Variants in KCNC2 observed in about 807,000 individuals in gnomAD.
KCNC2 encodes potassium voltage-gated channel subfamily C member 2, also known as voltage-gated potassium channel KCNC2.
A neutral mutation model predicts 44.5 loss-of-function variants in KCNC2; 21 were observed. The ratio of observed to expected loss-of-function variants is 0.47; its 90% confidence interval spans 0.33 to 0.68. The LOEUF is 0.68. KCNC2 is among the 30% of genes least tolerant of loss of function. The pLI is 0.01. For missense variants in KCNC2, 589 were observed against 826.2 expected, an observed-to-expected ratio of 0.71 and a Z score of 3.52; for synonymous variants, 391 against 339.1, an observed-to-expected ratio of 1.15 and a Z score of -1.68.
At chr12:75,184,645 A>C (rs368996557) in intron 2 of KCNC2, among the ~76,000 whole-genome samples, 3 of 151,930 alleles carry the variant, frequency 2.0e-5, no homozygotes, top group African/African-American at 7.2e-5. Flanking sequence ...GTTGCTTGAT[A>C]AAAAAAATGC....
Position 75,167,057 on chromosome 12 carries a change from G to A in KCNC2, c.687+40240C>T, listed in dbSNP as rs573731752. On this transcript the variant is annotated intron_variant, in intron 2 of 4. Coordinates refer to ENST00000549446, the MANE Select transcript of KCNC2 (RefSeq NM_139137.4). ...CCTAACTGAACTTACTAAAAGAAAA[G>A]AAAGGAAGGAGACTGAAATTACTAA... is the stretch of plus-strand genomic sequence containing the variant. 2.1e-4 allele frequency among the ~76,000 whole-genome samples: 31 copies of A among 151,214 alleles called. No individual in the cohort carries two copies. The East Asian group carries it at 5.5e-3, about 27-fold the overall frequency.
At chr12:75,097,106 A>G (rs2137159677) in intron 2 of KCNC2, among the ~76,000 whole-genome samples, 1 of 152,236 alleles carries the variant, frequency 6.6e-6, no homozygotes, top group South Asian at 2.1e-4. Context: ...AAAAAAAATT[A>G]AAGGACCTTA....
intron 2 of KCNC2, among the ~76,000 whole-genome samples, chr12:75,137,596 TC>T (rs998893290): frequency 2.0e-5 from 3 of 152,228 alleles, no homozygotes; most frequent in African/African-American, 7.2e-5. Flanking sequence ...AAATATTATG[TC>T]CCAAATTATG....
chr12:75,187,088 G>C (rs111497377), intron 2 of KCNC2, among the ~76,000 whole-genome samples: 117 of 152,172 alleles, frequency 7.7e-4, no homozygotes, highest in African/African-American at 2.7e-3. Context: ...CTTTACCAAA[G>C]GTATTCCATG....
chr12:75,152,324 AAC>A (rs1455869423), intron 2 of KCNC2, among the ~76,000 whole-genome samples: 3 of 151,764 alleles, frequency 2.0e-5, no homozygotes, highest in Non-Finnish European at 4.4e-5. Flanking sequence ...CGAAAAAGAA[AAC>A]ACAAAAAATA....
chr12:75,048,271 G>C lies in KCNC2; in HGVS notation c.1662C>G (p.Pro554=), dbSNP rs758462455. ...DSTGSEPPLS[P]PERLPIRRSS... ...AGCGTCTGATGGGGAGCCTTTCTGG[G>C]GGTGATAGTGGCGGCTCACTTCCTG... Residue 554 remains proline, a synonymous_variant, in exon 4 of 5, where the codon CCC becomes CCG. Coordinates refer to ENST00000549446, the MANE Select transcript of KCNC2 (RefSeq NM_139137.4). 6.2e-7 allele frequency: 1 copy of C among 1,612,840 alleles called. No individual in the cohort carries two copies. Among genetic ancestry groups the C allele is most frequent in the East Asian group, 2.2e-5 (1 of 44,828 alleles).
intron 2 of KCNC2, among the ~76,000 whole-genome samples, chr12:75,085,946 C>G (rs1207356209): frequency 6.6e-6 from 1 of 152,012 alleles, no homozygotes; most frequent in African/African-American, 2.4e-5. Flanking sequence ...TGATTTCCCA[C>G]CCTTTAAATA....
chr12:75,117,964 A>G (rs1270418425), intron 2 of KCNC2, among the ~76,000 whole-genome samples: 1 of 152,162 alleles, frequency 6.6e-6, no homozygotes, highest in Admixed American at 6.5e-5. Context: ...CTGCATAGTA[A>G]TCAATATATG....
intron 2 of KCNC2, among the ~76,000 whole-genome samples, chr12:75,153,845 T>C (rs1386313517): frequency 1.3e-5 from 2 of 152,020 alleles, no homozygotes; most frequent in Middle Eastern, 3.4e-3. Flanking sequence ...ATAAATGTCT[T>C]CACCCTCATT....
At chr12:75,203,364 G>GATAACAC (rs2031446929) in intron 2 of KCNC2, among the ~76,000 whole-genome samples, 2 of 151,680 alleles carry the variant, frequency 1.3e-5, no homozygotes, top group Non-Finnish European at 3.0e-5. Context: ...TACGGAGTAC[G>GATAACAC]TTTTGGTAAT....
intron 2 of KCNC2, among the ~76,000 whole-genome samples, chr12:75,135,137 T>G (rs2137366295): frequency 6.6e-6 from 1 of 152,040 alleles, no homozygotes; most frequent in South Asian, 2.1e-4. Flanking sequence ...CCTGTTCCTT[T>G]CAGAATCCCT....
intron 2 of KCNC2, among the ~76,000 whole-genome samples, chr12:75,058,175 TA>T (rs1013269694): frequency 2.7e-4 from 41 of 152,074 alleles, no homozygotes; most frequent in African/African-American, 9.9e-4. Context: ...CCATATTTTA[TA>T]AAAATGTTTT....
chr12:75,041,547 C>G lies in KCNC2; in HGVS notation c.*1558G>C. On this transcript the variant is annotated 3_prime_UTR_variant, in exon 5 of 5. Coordinates refer to ENST00000549446, the MANE Select transcript of KCNC2 (RefSeq NM_139137.4). ...TTTATCCCTCTATTTATATTACGGT[C>G]TTTTTCTTCCCTCACATGCTCAATA... The G allele has an allele frequency of 1.8e-6, 2 of 1,114,406 alleles. No homozygotes were observed. Among genetic ancestry groups the G allele is most frequent in the Non-Finnish European group, 2.2e-6 (2 of 904,438 alleles). 69.0% of individuals were successfully genotyped at this position (1,114,406 alleles called of 1,614,324 possible). A position where few individuals can be genotyped will look rare whatever the true frequency, so the allele number is the denominator to read the frequency against.
intron 2 of KCNC2, among the ~76,000 whole-genome samples, chr12:75,100,507 C>T (rs988679702): frequency 2.0e-5 from 3 of 152,018 alleles, no homozygotes; most frequent in East Asian, 1.9e-4. Flanking sequence ...CCACTTATGA[C>T]ATTGAATTTA....
chr12:75,165,750 A>C (rs527602938), intron 2 of KCNC2, among the ~76,000 whole-genome samples: 1 of 151,548 alleles, frequency 6.6e-6, no homozygotes, highest in Non-Finnish European at 1.5e-5. Context: ...TTAACAGTAA[A>C]TTGTATATAG....
At chr12:75,043,911 T>C in intron 4 of KCNC2, 6 of 721,046 alleles carry the variant, frequency 8.3e-6, no homozygotes, top group Non-Finnish European at 1.0e-5. Flanking sequence ...TTACATGATG[T>C]TTTCAGCTGA....
chr12:75,164,218 T>A (rs977194662), intron 2 of KCNC2, among the ~76,000 whole-genome samples: 5 of 151,658 alleles, frequency 3.3e-5, no homozygotes, highest in Non-Finnish European at 5.9e-5. Flanking sequence ...GTAGGAGTAA[T>A]CTTTTGGACT....
intron 2 of KCNC2, among the ~76,000 whole-genome samples, chr12:75,086,675 AAAAAAAATATATATAT>A (rs1332364166): frequency 1.3e-5 from 1 of 76,728 alleles, no homozygotes; most frequent in Admixed American, 1.4e-4. Flanking sequence ...AAAAAAAAAA[AAAAAAAATATATATAT>A]ATATATATAC....
chr12:75,121,278 C>T (rs930980362), intron 2 of KCNC2, among the ~76,000 whole-genome samples: 4 of 152,202 alleles, frequency 2.6e-5, no homozygotes, highest in African/African-American at 7.2e-5. Context: ...AGAAACCAAG[C>T]ATTCTGTCTT....
Sources: allele counts gnomAD v4.1 joint callset (sites outside exome capture counted in the v4.1 genomes callset), GRCh38; gene constraint gnomAD v4.1.1; transcripts MANE v1.5; gene names NCBI Gene and HGNC (gene_info 2026-07-23, HGNC 2026-07-21).